Variants in IRAG2 observed in about 807,000 individuals in gnomAD.
IRAG2 encodes the protein lymphoid restricted membrane protein.
Under a neutral mutation model 69.9 loss-of-function variants are expected in IRAG2, and 45 were observed. That is an observed-to-expected ratio of 0.64 (90% confidence interval 0.51 to 0.83). The LOEUF (loss-of-function observed/expected upper bound fraction) is 0.83. Among genes scored for constraint, IRAG2 ranks in the 40% least tolerant of loss-of-function variants. The pLI, the probability that IRAG2 is intolerant of heterozygous loss-of-function variation, is 0.00. For missense variants in IRAG2, 520 were observed against 587.0 expected, an observed-to-expected ratio of 0.89 and a Z score of 1.18; for synonymous variants, 193 against 202.4, an observed-to-expected ratio of 0.95 and a Z score of 0.40.
At chr12:25,048,084 T>C (rs541038737), upstream of IRAG2, among the ~76,000 whole-genome samples, 38 of 152,344 alleles carry the variant, frequency 2.5e-4, no homozygotes, top group Non-Finnish European at 4.1e-4. Context: ...CCACCAACAG[T>C]ATAAAAGCAT....
intron 2 of IRAG2, among the ~76,000 whole-genome samples, chr12:25,010,874 G>T (rs1018998805): frequency 6.6e-6 from 1 of 151,976 alleles, no homozygotes; most frequent in Non-Finnish European, 1.5e-5. Context: ...GTGATAGTAG[G>T]GATGACTGTC....
chr12:25,102,358 A>T, intron 17 of IRAG2, 117 bp downstream of exon 17: 1 of 764,016 alleles, frequency 1.3e-6, no homozygotes, highest in Non-Finnish European at 2.1e-6. Flanking sequence ...TAATTCATAT[A>T]GATGTATTTG....
Position 25,011,359 on chromosome 12 carries a change from C to G in IRAG2, c.704C>G (p.Ser235Cys), listed in dbSNP as rs566747202. 5.6e-5 allele frequency: 69 copies of G among 1,231,662 alleles called. No homozygotes were observed. In the South Asian group the frequency reaches 2.5e-3, roughly 44 times the overall value. 76.3% of individuals were successfully genotyped at this position (1,231,662 alleles called of 1,614,324 possible). A position where few individuals can be genotyped will look rare whatever the true frequency, so the allele number is the denominator to read the frequency against. Residue 235 changes from serine to cysteine, a missense_variant, in exon 3 of 39, where the codon TCT becomes TGT. Ser to Cys is a moderately radical substitution (Grantham distance 112). Transcript: ENST00000636465. ...TGTCTTTCAGAACTGATCTGCTCTT[C>G]TTTTTCCAAAGGCTCAGTCGGAGTG...
intron 16 of IRAG2, among the ~76,000 whole-genome samples, chr12:25,043,610 C>T (rs186973296): frequency 1.3e-5 from 2 of 151,870 alleles, no homozygotes; most frequent in Non-Finnish European, 2.9e-5. Context: ...TCTTACCTGT[C>T]TCGGAGTACT....
At chr12:25,095,153 C>A (rs1203389656) in intron 14 of IRAG2, among the ~76,000 whole-genome samples, 1 of 152,030 alleles carries the variant, frequency 6.6e-6, no homozygotes, top group East Asian at 1.9e-4. Flanking sequence ...TTGTTCCTGA[C>A]CTTAAAGGAA....
At chr12:25,097,501 C>T (rs756444389) in intron 15 of IRAG2, 2 of 152,406 alleles carry the variant, frequency 1.3e-5, no homozygotes, top group African/African-American at 2.4e-5. Context: ...CTGTTATAAA[C>T]AATGCTCCAG....
At chr12:25,084,519 G>T (rs549006411) in intron 10 of IRAG2, among the ~76,000 whole-genome samples, 1 of 150,208 alleles carries the variant, frequency 6.7e-6, no homozygotes, top group Non-Finnish European at 1.5e-5. Context: ...CTTATGTCTT[G>T]CTATGTTGTA....
At chr12:25,033,379 C>G (rs934488827) in intron 12 of IRAG2, among the ~76,000 whole-genome samples, 1 of 152,146 alleles carries the variant, frequency 6.6e-6, no homozygotes, top group Non-Finnish European at 1.5e-5. Context: ...TCCACAGGAG[C>G]CACTCAGATA....
chr12:25,008,485 T>C (rs537213576), intron 2 of IRAG2, among the ~76,000 whole-genome samples: 1 of 152,264 alleles, frequency 6.6e-6, no homozygotes, highest in South Asian at 2.1e-4. Context: ...AAGCCTGTAA[T>C]CCCAGCACTT....
Position 25,103,912 on chromosome 12 carries a change from C to T in IRAG2, c.996+13C>T. On this transcript the variant is annotated intron_variant, in intron 18 of 21. Transcript: ENST00000556887. ...AAATGCAGGAATGGTAAGACAATTC[C>T]TAAGTGTTCTTAGTCAAAGGTAAAT... The T allele has an allele frequency of 1.2e-6, 2 of 1,610,706 alleles. No individual in the cohort carries two copies. Among genetic ancestry groups the T allele is most frequent in the Non-Finnish European group, 8.5e-7 (1 of 1,177,228 alleles).
intron 11 of IRAG2, chr12:25,032,266 A>G (rs1944674090): frequency 2.5e-6 from 1 of 399,058 alleles, no homozygotes; most frequent in Non-Finnish European, 4.4e-6. Flanking sequence ...ATTCCCCACT[A>G]GAGTAACATG....
At chr12:25,030,666 C>T (rs139708705) in intron 10 of IRAG2, among the ~76,000 whole-genome samples, 3 of 152,172 alleles carry the variant, frequency 2.0e-5, no homozygotes, top group Non-Finnish European at 4.4e-5. Context: ...GGATTACAGG[C>T]GTGAGCCACC....
chr12:25,049,422 A>T (rs1944822707), upstream of IRAG2, among the ~76,000 whole-genome samples: 1 of 152,214 alleles, frequency 6.6e-6, no homozygotes, highest in Non-Finnish European at 1.5e-5. Context: ...GATTTCCTTA[A>T]GCAGTGGTTT....
intron 14 of IRAG2, among the ~76,000 whole-genome samples, chr12:25,092,384 G>A (rs1948121772): frequency 1.4e-5 from 2 of 142,472 alleles, no homozygotes; most frequent in Non-Finnish European, 3.0e-5. Context: ...TGGGCAACAA[G>A]AGTGAAACTC....
At chr12:25,033,207 G>T (rs1179718444) in intron 12 of IRAG2, among the ~76,000 whole-genome samples, 1 of 151,982 alleles carries the variant, frequency 6.6e-6, no homozygotes, top group Non-Finnish European at 1.5e-5. Flanking sequence ...TGCCTGCCTC[G>T]GCCTCTCAAA....
intron 16 of IRAG2, among the ~76,000 whole-genome samples, chr12:25,101,779 T>A (rs1948762585): frequency 6.6e-6 from 1 of 152,092 alleles, no homozygotes; most frequent in Non-Finnish European, 1.5e-5. Flanking sequence ...CCACGGGGAG[T>A]AACATATCGT....
chr12:25,079,220 AT>A, intron 6 of IRAG2, 23 bp from the exon 7 acceptor site: 1 of 1,612,692 alleles, frequency 6.2e-7, no homozygotes, highest in Non-Finnish European at 8.5e-7. Flanking sequence ...TGTTGAACTT[AT>A]GTCTCCTTTC....
chr12:25,014,383 T>A (rs1185872563), intron 3 of IRAG2, among the ~76,000 whole-genome samples: 1 of 152,180 alleles, frequency 6.6e-6, no homozygotes, highest in Non-Finnish European at 1.5e-5. Flanking sequence ...GTCAGAACTC[T>A]GTGTGAGTTC....
intron 15 of IRAG2, 54 bp downstream of exon 15, chr12:25,097,098 T>G: frequency 6.6e-7 from 1 of 1,521,630 alleles, no homozygotes; most frequent in Non-Finnish European, 8.8e-7. Flanking sequence ...AGATTCACTT[T>G]TCCTGAGACT....
Sources: allele counts gnomAD v4.1 joint callset (sites outside exome capture counted in the v4.1 genomes callset), GRCh38; gene constraint gnomAD v4.1.1; transcripts MANE v1.5; gene names NCBI Gene and HGNC (gene_info 2026-07-23, HGNC 2026-07-21).